GAP43: variants seen among roughly 807,000 people sequenced by gnomAD.
GAP43 encodes growth associated protein 43, also known as neuromodulin.
GAP43 carries 6 observed loss-of-function variants against 18.6 expected under a neutral mutation model. The observed-to-expected ratio is 0.32, with a 90% CI of 0.18 to 0.64. The LOEUF (loss-of-function observed/expected upper bound fraction) is 0.64. Ranked by LOEUF, GAP43 falls within the 30% of genes least tolerant of loss-of-function variation. The pLI, the probability that GAP43 is intolerant of heterozygous loss-of-function variation, is 0.78. For missense variants in GAP43, 292 were observed against 295.5 expected (o/e 0.99, Z 0.09); for synonymous variants, 115 against 111.4 (o/e 1.03, Z -0.20).
At chr3:115,705,872 G>C (rs1461367983) in intron 2 of GAP43, among the ~76,000 whole-genome samples, 1 of 152,156 alleles carries the variant, frequency 6.6e-6, no homozygotes, top group East Asian at 1.9e-4. Context: ...AGGAGGAATT[G>C]TAGAAAATCC....
At chr3:115,716,631 A>G (rs1369378159) in intron 2 of GAP43, among the ~76,000 whole-genome samples, 2 of 147,752 alleles carry the variant, frequency 1.4e-5, no homozygotes, top group African/African-American at 2.5e-5. Context: ...TTTTCTGCCA[A>G]CTAGTCATCC....
At position 115,703,172 on chromosome 3, in the gene GAP43, C is replaced by G. The variant is rs1709317341; in HGVS notation, c.629-17622C>G. The stretch of plus-strand genomic sequence containing the variant: ...TATATTTATGAAATCAAGGAGAACA[C>G]TGTTATTAAAAACAGTAAAGCTAAA... On this transcript the variant is annotated intron_variant, in intron 2 of 2. Transcript: ENST00000305124. Among the ~76,000 whole-genome samples, 3 of 152,020 alleles carry G rather than the reference C, an allele frequency of 2.0e-5. No homozygotes were observed. The South Asian group carries it at 6.2e-4, about 32-fold the overall frequency.
chr3:115,682,388 T>G (rs886526457), intron 2 of GAP43, among the ~76,000 whole-genome samples: 6 of 152,228 alleles, frequency 3.9e-5, no homozygotes, highest in African/African-American at 1.4e-4. Flanking sequence ...TGTAGGCAAT[T>G]GCTACCCTAA....
chr3:115,669,436 T>C (rs1171465903), intron 1 of GAP43, among the ~76,000 whole-genome samples: 1 of 152,218 alleles, frequency 6.6e-6, no homozygotes, highest in Non-Finnish European at 1.5e-5. Flanking sequence ...CCAATAAATA[T>C]TAATTGAGCA....
intron 2 of GAP43, among the ~76,000 whole-genome samples, chr3:115,698,329 A>AT (rs1709252020): frequency 1.1e-5 from 1 of 90,926 alleles, no homozygotes; most frequent in East Asian, 2.8e-4. Context: ...ATATATATAT[A>AT]AAACCAGTTC....
At chr3:115,641,143 G>A (rs1270281273) in intron 1 of GAP43, among the ~76,000 whole-genome samples, 1 of 150,674 alleles carries the variant, frequency 6.6e-6, no homozygotes, top group Admixed American at 6.6e-5. Flanking sequence ...GGGATTACAG[G>A]TGAGAGCTAC....
chr3:115,682,041 T>A (rs1400962909), intron 2 of GAP43, among the ~76,000 whole-genome samples: 1 of 152,208 alleles, frequency 6.6e-6, no homozygotes, highest in Non-Finnish European at 1.5e-5. Context: ...CTTTGGATAA[T>A]TGGATATTCC....
In GAP43 at chr3:115,676,322, G is replaced by C. The variant is rs574782109; in HGVS notation, c.340G>C (p.Gly114Arg). ...AGETPSEEKK[G>R]EGDAATEQAA... ...AGAAACTCCTTCCGAGGAGAAGAAG[G>C]GGGAGGGTGATGCTGCCACAGAGCA... The change falls in exon 2 of 3, where the codon GGG becomes CGG. Residue 114 changes from glycine (G) to arginine (R), a missense_variant. By Grantham distance (125) the Gly-to-Arg change is moderately radical. Coordinates refer to ENST00000305124, the MANE Select transcript of GAP43 (RefSeq NM_002045.4). The C allele has an allele frequency of 3.4e-5, 55 of 1,614,154 alleles. No homozygotes were observed. The highest frequency in any genetic ancestry group is 4.5e-5 in the East Asian group (2 of 44,868).
chr3:115,721,012 C>G lies in GAP43; in HGVS notation c.*130C>G. On this transcript the variant is annotated 3_prime_UTR_variant, in exon 3 of 3. Transcript: ENST00000305124. ...CGTCTGTGAGTCTGTCCTTTCCCACCCACTAGCCCTCTTTCTCTCTGTGTG... is the reference window on the plus strand; with the variant it reads ...CGTCTGTGAGTCTGTCCTTTCCCACGCACTAGCCCTCTTTCTCTCTGTGTG... The G allele has an allele frequency of 2.2e-6, 1 of 452,994 alleles. No homozygotes were observed. The allele number at this position is 452,994 out of a possible 1,614,324, so 28.1% of individuals were successfully genotyped here.
At chr3:115,657,045 T>A (rs185747779) in intron 1 of GAP43, among the ~76,000 whole-genome samples, 1 of 152,326 alleles carries the variant, frequency 6.6e-6, no homozygotes, top group East Asian at 1.9e-4. Flanking sequence ...GAATGAAAAT[T>A]ATAGCAAAAC....
chr3:115,707,463 T>C (rs983512136), intron 2 of GAP43, among the ~76,000 whole-genome samples: 2 of 151,830 alleles, frequency 1.3e-5, no homozygotes, highest in Non-Finnish European at 2.9e-5. Flanking sequence ...CTAATTTTTT[T>C]AATTATTTGT....
intron 2 of GAP43, among the ~76,000 whole-genome samples, chr3:115,716,853 C>G (rs1709515760): frequency 6.8e-6 from 1 of 147,758 alleles, no homozygotes; most frequent in South Asian, 2.2e-4. Context: ...CGAGTTTCAT[C>G]AATTTTAATT....
At chr3:115,624,170 T>G (rs1216416501) in intron 1 of GAP43, among the ~76,000 whole-genome samples, 2 of 152,178 alleles carry the variant, frequency 1.3e-5, no homozygotes, top group East Asian at 3.8e-4. Flanking sequence ...TTCTCACATG[T>G]GCTGCGGAAG....
rs1203580208 is a variant in GAP43 at position 115,720,877 on chromosome 3, G to A, written c.712G>A (p.Ala238Thr). 1.2e-6 allele frequency: 2 copies of A among 1,610,622 alleles called. No homozygotes were observed. Among genetic ancestry groups the A allele is most frequent in the Admixed American group, 3.3e-5 (2 of 59,902 alleles). Reference sequence around the variant, plus strand: ...GGAACCTGAGGCTGACCAAGAACATGCCTGAACTCTAAGAAATGGCTTTCC... The same window carrying A: ...GGAACCTGAGGCTGACCAAGAACATACCTGAACTCTAAGAAATGGCTTTCC... ...EEEPEADQEH[A>T] The change falls in exon 3 of 3, where the codon GCC (alanine) becomes ACC (threonine). Residue 238 changes from alanine (A) to threonine (T), a missense_variant. Ala to Thr is a moderately conservative substitution (Grantham distance 58, BLOSUM62 0). Transcript: ENST00000305124.
intron 1 of GAP43, among the ~76,000 whole-genome samples, chr3:115,628,231 T>TC (rs899439863): frequency 1.1e-4 from 16 of 151,936 alleles, no homozygotes; most frequent in Admixed American, 2.0e-4. Context: ...CTCTTGCTCC[T>TC]CCCCCCGTGT....
chr3:115,636,178 C>T (rs1434037625), intron 1 of GAP43, among the ~76,000 whole-genome samples: 1 of 151,908 alleles, frequency 6.6e-6, no homozygotes, highest in Non-Finnish European at 1.5e-5. Flanking sequence ...CTTTGTGGTT[C>T]CCTCAAAAAG....
intron 2 of GAP43, among the ~76,000 whole-genome samples, chr3:115,709,313 A>AC (rs1228042981): frequency 1.3e-5 from 2 of 151,984 alleles, no homozygotes; most frequent in Non-Finnish European, 2.9e-5. Context: ...TTCCCCACAG[A>AC]CCCCACTGCC....
chr3:115,659,395 A>G (rs1016406915), intron 1 of GAP43, among the ~76,000 whole-genome samples: 2 of 152,106 alleles, frequency 1.3e-5, no homozygotes, highest in African/African-American at 2.4e-5. Context: ...GGGGAGGGTA[A>G]ACGAAGCAGG....
chr3:115,689,226 A>C (rs920698792), intron 2 of GAP43, among the ~76,000 whole-genome samples: 1 of 151,852 alleles, frequency 6.6e-6, no homozygotes, highest in African/African-American at 2.4e-5. Flanking sequence ...TACCCAGTTT[A>C]TTTTCTCCGT....
Sources: gnomAD v4.1 joint callset for allele counts (sites outside exome capture counted in the v4.1 genomes callset) on GRCh38, gnomAD v4.1.1 for gene constraint, MANE v1.5 for transcripts, NCBI Gene and HGNC (gene_info 2026-07-23, HGNC 2026-07-21) for gene names.